ABCC1: variants seen among roughly 807,000 people sequenced by gnomAD.
The protein encoded by ABCC1 is multidrug resistance-associated protein 1.
ABCC1 carries 83 observed loss-of-function variants against 172.9 expected under a neutral mutation model. The ratio of observed to expected loss-of-function variants is 0.48; its 90% CI spans 0.40 to 0.58. ABCC1 has a LOEUF of 0.58. Ranked by LOEUF, ABCC1 falls within the 20% of genes least tolerant of loss-of-function variation. The probability of loss-of-function intolerance (pLI) is 0.00; values close to 1 mark genes in which losing one functional copy is unlikely to be tolerated. For synonymous variants in ABCC1, 937 were observed against 825.2 expected, an observed-to-expected ratio of 1.14 and a Z score of -2.32; for missense variants, 1,817 against 2,002.7, an observed-to-expected ratio of 0.91 and a Z score of 1.77.
chr16:16,092,644 C>A (rs1389133099), intron 19 of ABCC1, among the ~76,000 whole-genome samples: 2 of 152,138 alleles, frequency 1.3e-5, no homozygotes, highest in Non-Finnish European at 2.9e-5. Flanking sequence ...CAGGTTTTTT[C>A]CACTTTCTGA....
Position 15,981,857 on chromosome 16 carries a change from C to T in ABCC1, c.49-25959C>T, listed in dbSNP as rs150155017. ...TTCCAATGTTTCAAACTTTTATGCTCTGCTTCCTCTTAAACACTTTGTTGC... is the reference window on the plus strand; with the variant it reads ...TTCCAATGTTTCAAACTTTTATGCTTTGCTTCCTCTTAAACACTTTGTTGC... On this transcript the variant is annotated intron_variant, in intron 1 of 30. Transcript: ENST00000399410. Among the ~76,000 whole-genome samples the T allele has an allele frequency of 3.3e-5, 5 of 152,246 alleles. No individual in the cohort carries two copies. The East Asian group carries it at 9.6e-4, about 29-fold the overall frequency.
chr16:16,009,648 C>G, intron 2 of ABCC1, 128 bp from the exon 3 acceptor site: 1 of 1,024,984 alleles, frequency 9.8e-7, no homozygotes. Context: ...TGTGCCATGT[C>G]CTAGGACTGT....
intron 1 of ABCC1, 99 bp downstream of exon 1, chr16:15,949,898 C>A: frequency 1.9e-6 from 2 of 1,047,696 alleles, no homozygotes; most frequent in Non-Finnish European, 2.4e-6. Flanking sequence ...CCGCTCCCCG[C>A]TCTGCTGCCG....
At chr16:16,117,116 T>A (rs1390657306) in intron 23 of ABCC1, among the ~76,000 whole-genome samples, 1 of 152,160 alleles carries the variant, frequency 6.6e-6, no homozygotes, top group Non-Finnish European at 1.5e-5. Flanking sequence ...ACCGAAACCA[T>A]GTGTGTTAGT....
chr16:16,127,961 C>T (rs1351630595), intron 26 of ABCC1, among the ~76,000 whole-genome samples: 1 of 137,732 alleles, frequency 7.3e-6, no homozygotes, highest in African/African-American at 2.8e-5. Flanking sequence ...TTTTTTTTTG[C>T]CCAGGCTGGA....
At chr16:15,965,849 C>T (rs902908441) in intron 1 of ABCC1, among the ~76,000 whole-genome samples, 17 of 151,488 alleles carry the variant, frequency 1.1e-4, no homozygotes, top group African/African-American at 4.1e-4. Flanking sequence ...TGCCTCCCAA[C>T]GTGCTGGGAT....
chr16:16,088,312 A>G (rs3851709), intron 18 of ABCC1, among the ~76,000 whole-genome samples: 126,925 of 152,056 alleles, frequency 0.83, 53,094 homozygotes, highest in African/African-American at 0.85. Flanking sequence ...GAGTGTGGTG[A>G]TGCATGGCTG....
Position 16,102,696 on chromosome 16 carries a change from G to A in ABCC1, c.2714G>A (p.Ser905Asn), listed in dbSNP as rs766977294. 1.3e-6 allele frequency: 2 copies of A among 1,585,200 alleles called. No individual in the cohort carries two copies. Among genetic ancestry groups the A allele is most frequent in the East Asian group, 2.3e-5 (1 of 43,700 alleles). ...GAGAATGGCATGCTGGTGACGGACAGTGCAGGGAAGCAACTGCAGAGGTAA... is the reference window on the plus strand; with the variant it reads ...GAGAATGGCATGCTGGTGACGGACAATGCAGGGAAGCAACTGCAGAGGTAA... ...QMENGMLVTDSAGKQLQRQLS... is the reference protein window; with the variant it reads ...QMENGMLVTDNAGKQLQRQLS... The change falls in exon 20 of 31, where the codon AGT becomes AAT. Residue 905 changes from serine to asparagine, a missense_variant. Around this residue, in one of 3 missense-constraint regions of ABCC1, gnomAD observed 1,412 missense variants for 1,600.3 expected, o/e 0.88. Coordinates refer to ENST00000399410, the MANE Select transcript of ABCC1 (RefSeq NM_004996.4).
chr16:16,116,142 G>A (rs1015637343), intron 23 of ABCC1, among the ~76,000 whole-genome samples: 9 of 151,888 alleles, frequency 5.9e-5, no homozygotes, highest in African/African-American at 2.2e-4. Context: ...CTGACCTCGT[G>A]ATTCGCCTGC....
At chr16:16,031,427 A>T (rs907717678) in intron 5 of ABCC1, among the ~76,000 whole-genome samples, 1 of 152,094 alleles carries the variant, frequency 6.6e-6, no homozygotes, top group Non-Finnish European at 1.5e-5. Flanking sequence ...CCTTGCCTGC[A>T]TGTTGTTGAC....
chr16:16,040,060 TTGTTTGTATGTATGTATGTA>T (rs1283463377), intron 7 of ABCC1, among the ~76,000 whole-genome samples: 4 of 131,398 alleles, frequency 3.0e-5, no homozygotes, highest in Admixed American at 7.6e-5. Flanking sequence ...GTTTGTTTGT[TTGTTTGTATGTATGTATGTA>T]TGTATGTATG....
chr16:16,036,711 G>T, intron 7 of ABCC1, 108 bp downstream of exon 7: 18 of 1,244,234 alleles, frequency 1.4e-5, no homozygotes, highest in Non-Finnish European at 1.9e-5. Flanking sequence ...TACTAGCTTT[G>T]TGGTTCTGGG....
chr16:16,068,175 C>G lies in ABCC1; in HGVS notation c.1697C>G (p.Ala566Gly), dbSNP rs1413504287. Residue 566 changes from alanine (A) to glycine (G), a missense_variant, in exon 13 of 31, where the codon GCC becomes GGC. Transcript: ENST00000399410. ...TPFLVALCTF[A>G]VYVTIDENNI... ...TTGCAGGTGGCCTTGTGCACATTTG[C>G]CGTCTACGTGACCATTGACGAGAAC... The G allele has an allele frequency of 1.2e-6, 2 of 1,614,132 alleles. No individual in the cohort carries two copies. The highest frequency in any genetic ancestry group is 3.3e-5 in the Admixed American group (2 of 60,020).
intron 12 of ABCC1, among the ~76,000 whole-genome samples, chr16:16,060,161 A>G (rs1282901165): frequency 6.6e-6 from 1 of 152,112 alleles, no homozygotes; most frequent in Non-Finnish European, 1.5e-5. Flanking sequence ...CTGCCAGCTC[A>G]CAGTGTGACC....
intron 7 of ABCC1, among the ~76,000 whole-genome samples, chr16:16,041,393 G>C (rs544335468): frequency 1.3e-5 from 2 of 152,302 alleles, no homozygotes; most frequent in East Asian, 3.9e-4. Context: ...GATGTGGTGA[G>C]AACTGGGTCT....
chr16:15,963,761 C>T (rs1379134069), intron 1 of ABCC1, among the ~76,000 whole-genome samples: 1 of 152,156 alleles, frequency 6.6e-6, no homozygotes, highest in Admixed American at 6.5e-5. Flanking sequence ...CCCAGGAAAC[C>T]GTTTTTCCCT....
At chr16:16,093,183 G>T (rs2051321865) in intron 19 of ABCC1, among the ~76,000 whole-genome samples, 1 of 151,824 alleles carries the variant, frequency 6.6e-6, no homozygotes, top group Non-Finnish European at 1.5e-5. Context: ...GCAATGCATT[G>T]TGGCAACTTC....
rs1328829266 is a variant in ABCC1 at position 16,142,480 on chromosome 16, T to C, written c.*1199T>C. On this transcript the variant is annotated 3_prime_UTR_variant, in exon 31 of 31. Transcript: ENST00000399410. ...CTTGAGTCTTTTCCTTGTTTTTAGA[T>C]GTTAATTCTCTCCCTTGGCATCCGG... The C allele has an allele frequency of 6.6e-6, 1 of 152,346 alleles. No homozygotes were observed. Among genetic ancestry groups the C allele is most frequent in the South Asian group, 2.1e-4 (1 of 4,826 alleles). 9.4% of individuals were successfully genotyped at this position (152,346 alleles called of 1,614,324 possible).
chr16:16,125,428 T>C (rs1178857547), intron 25 of ABCC1, among the ~76,000 whole-genome samples: 1 of 152,056 alleles, frequency 6.6e-6, no homozygotes, highest in Admixed American at 6.6e-5. Flanking sequence ...CTTTTATTTT[T>C]ATTTATTTAT....
Sources: gnomAD v4.1 joint callset for allele counts (sites outside exome capture counted in the v4.1 genomes callset) on GRCh38, gnomAD v4.1.1 for gene constraint, gnomAD v4.1.1 regional missense constraint, MANE v1.5 for transcripts, NCBI Gene and HGNC (gene_info 2026-07-23, HGNC 2026-07-21) for gene names.